BLK: variants seen among roughly 807,000 people sequenced by gnomAD.
The protein encoded by BLK is BLK proto-oncogene, Src family tyrosine kinase, also known as tyrosine-protein kinase Blk.
In BLK, 64 loss-of-function variants were observed where a neutral mutation model predicts 61.8. The ratio of observed to expected loss-of-function variants is 1.03; its 90% confidence interval spans 0.85 to 1.27. The LOEUF (loss-of-function observed/expected upper bound fraction) is 1.27, where lower values mean the gene tolerates loss of function less well. Ranked by LOEUF, BLK falls within the 50% of genes most tolerant of loss-of-function variation. The pLI is 0.00. For missense variants in BLK, 853 were observed against 660.5 expected, an observed-to-expected ratio of 1.29 and a Z score of -3.19; for synonymous variants, 351 against 272.0, an observed-to-expected ratio of 1.29 and a Z score of -2.86.
intron 1 of BLK, among the ~76,000 whole-genome samples, chr8:11,496,301 G>C (rs1021476749): frequency 6.6e-6 from 1 of 152,170 alleles, no homozygotes; most frequent in African/African-American, 2.4e-5. Flanking sequence ...GCAGTGGCAA[G>C]AGATCATCGC....
intron 1 of BLK, among the ~76,000 whole-genome samples, chr8:11,515,143 T>C (rs941901614): frequency 1.3e-5 from 2 of 152,112 alleles, no homozygotes; most frequent in Non-Finnish European, 2.9e-5. Flanking sequence ...TGCTGGTTGG[T>C]GCCAGGAGAT....
At chr8:11,514,293 C>T (rs1303111897) in intron 1 of BLK, among the ~76,000 whole-genome samples, 4 of 152,206 alleles carry the variant, frequency 2.6e-5, no homozygotes, top group Non-Finnish European at 4.4e-5. Flanking sequence ...CTCCTGTCCA[C>T]TGTTCCAGCA....
chr8:11,540,550 G>A (rs1240005193), intron 1 of BLK, among the ~76,000 whole-genome samples: 1 of 151,770 alleles, frequency 6.6e-6, no homozygotes, highest in African/African-American at 2.4e-5. Flanking sequence ...TTTATATTAG[G>A]AACAAGAAAA....
chr8:11,499,125 G>T (rs1024949594), intron 1 of BLK, among the ~76,000 whole-genome samples: 1 of 152,192 alleles, frequency 6.6e-6, no homozygotes, highest in African/African-American at 2.4e-5. Context: ...TATGATGGTG[G>T]TCTCATAAGA....
chr8:11,524,708 T>C (rs1202266271), intron 1 of BLK, among the ~76,000 whole-genome samples: 3 of 152,076 alleles, frequency 2.0e-5, no homozygotes, highest in African/African-American at 7.2e-5. Context: ...ATGTTTATGA[T>C]CTTGAGAAAA....
In BLK at chr8:11,543,230, G is replaced by A. The variant is rs763545918; in HGVS notation, c.6G>A (p.Gly2=). The part of the protein sequence containing the change: M[G]LVSSKKPDKE... ...TGCTGTGTGTCTCCGACAGGATGGG[G>A]CTGGTAAGTAGCAAAAAGCCGGACA... The change falls in exon 2 of 13, where the codon GGG becomes GGA. Residue 2 remains glycine, a synonymous_variant. Coordinates refer to ENST00000259089, the MANE Select transcript of BLK (RefSeq NM_001715.3). 56 of 1,613,928 alleles carry A rather than the reference G, an allele frequency of 3.5e-5. No homozygotes were observed. In the South Asian group the frequency reaches 5.1e-4, roughly 15 times the overall value.
chr8:11,499,233 G>T (rs1049714806), intron 1 of BLK, among the ~76,000 whole-genome samples: 1 of 152,214 alleles, frequency 6.6e-6, no homozygotes, highest in Non-Finnish European at 1.5e-5. Flanking sequence ...ACAGTCGCAG[G>T]CTGTGTAGGT....
intron 1 of BLK, among the ~76,000 whole-genome samples, chr8:11,511,938 G>A (rs1314924179): frequency 2.0e-5 from 3 of 152,126 alleles, no homozygotes; most frequent in African/African-American, 7.2e-5. Context: ...TCGGGAGGTG[G>A]AAAAGTAAGC....
intron 1 of BLK, among the ~76,000 whole-genome samples, chr8:11,495,261 G>C (rs1798321941): frequency 6.6e-6 from 1 of 152,308 alleles, no homozygotes; most frequent in African/African-American, 2.4e-5. Flanking sequence ...GGTGGATGAA[G>C]TTCACCCTCA....
At chr8:11,514,202 C>T (rs972449566) in intron 1 of BLK, among the ~76,000 whole-genome samples, 1 of 152,314 alleles carries the variant, frequency 6.6e-6, no homozygotes, top group East Asian at 1.9e-4. Context: ...CATGTGCTAC[C>T]TGTCACTGAG....
chr8:11,553,215 C>T (rs924641738), intron 6 of BLK: 2 of 197,596 alleles, frequency 1.0e-5, no homozygotes, highest in African/African-American at 2.4e-5. Flanking sequence ...CCCTTCGTGG[C>T]CTCCGGGGTG....
At chr8:11,535,304 G>GAAA (rs1158669914) in intron 1 of BLK, among the ~76,000 whole-genome samples, 1 of 144,208 alleles carries the variant, frequency 6.9e-6, no homozygotes, top group Non-Finnish European at 1.5e-5. Flanking sequence ...AAGAAAGAAA[G>GAAA]AAAGAAAGAA....
chr8:11,506,902 G>A (rs778537769), intron 1 of BLK, among the ~76,000 whole-genome samples: 12 of 152,192 alleles, frequency 7.9e-5, no homozygotes, highest in Non-Finnish European at 1.2e-4. Context: ...TCTCAGTCAC[G>A]GGCTGAAAGA....
intron 1 of BLK, among the ~76,000 whole-genome samples, chr8:11,497,455 A>C (rs533222634): frequency 6.6e-6 from 1 of 152,156 alleles, no homozygotes; most frequent in Non-Finnish European, 1.5e-5. Context: ...GCCCAAGCCC[A>C]TTTGTGTGTC....
chr8:11,563,779 G>A (rs1801599066), intron 12 of BLK, 124 bp from the exon 13 acceptor site: 1 of 912,200 alleles, frequency 1.1e-6, no homozygotes, highest in Admixed American at 2.6e-5. Flanking sequence ...CTGGAGAAGT[G>A]GTCTGGGACT....
At chr8:11,497,907 G>A (rs1798415468) in intron 1 of BLK, among the ~76,000 whole-genome samples, 1 of 152,306 alleles carries the variant, frequency 6.6e-6, no homozygotes, top group African/African-American at 2.4e-5. Flanking sequence ...CCTGCCAGCT[G>A]GGAGTGTGAA....
intron 1 of BLK, among the ~76,000 whole-genome samples, chr8:11,503,141 C>A (rs571236646): frequency 6.6e-6 from 1 of 152,280 alleles, no homozygotes; most frequent in East Asian, 1.9e-4. Context: ...GAAGGAGGCC[C>A]TGATGCTTGA....
At chr8:11,508,928 T>G (rs1272767504) in intron 1 of BLK, among the ~76,000 whole-genome samples, 1 of 152,084 alleles carries the variant, frequency 6.6e-6, no homozygotes, top group Non-Finnish European at 1.5e-5. Flanking sequence ...GGGAAGGAAA[T>G]GCTGGGCGCC....
Position 11,556,760 on chromosome 8 carries a change from A to C in BLK, c.875A>C (p.Gln292Pro), listed in dbSNP as rs780812719. The C allele has an allele frequency of 1.2e-6, 2 of 1,614,242 alleles. No homozygotes were observed. The highest frequency in any genetic ancestry group is 1.7e-6 in the Non-Finnish European group (2 of 1,180,044). The change falls in exon 9 of 13, where the codon CAG becomes CCG. Residue 292 changes from glutamine to proline, a missense_variant. By Grantham distance (76) the Gln-to-Pro change is moderately conservative. Transcript: ENST00000259089. Reference protein sequence around the residue: ...LGEANVMKALQHERLVRLYAV... With the variant: ...LGEANVMKALPHERLVRLYAV... Reference sequence around the variant, plus strand: ...GAGGCCAACGTGATGAAGGCTCTGCAGCACGAGCGGCTGGTCCGACTCTAC... The same window carrying C: ...GAGGCCAACGTGATGAAGGCTCTGCCGCACGAGCGGCTGGTCCGACTCTAC...
Sources: gnomAD v4.1 joint callset for allele counts (sites outside exome capture counted in the v4.1 genomes callset) on GRCh38, gnomAD v4.1.1 for gene constraint, MANE v1.5 for transcripts, NCBI Gene and HGNC (gene_info 2026-07-23, HGNC 2026-07-21) for gene names.